Variants in GPC5 observed in about 807,000 individuals in gnomAD.
GPC5 encodes the protein glypican 5, also known as glypican-5.
In GPC5, 47 loss-of-function variants were observed where a neutral mutation model predicts 53.9. That is an observed-to-expected ratio of 0.87 (90% CI 0.69 to 1.11). The LOEUF (loss-of-function observed/expected upper bound fraction) is 1.11. Among genes scored for constraint, GPC5 ranks in the 50% most tolerant of loss-of-function variants. The pLI, the probability that GPC5 is intolerant of heterozygous loss-of-function variation, is 0.00. For synonymous variants in GPC5, 286 were observed against 263.3 expected, an observed-to-expected ratio of 1.09 and a Z score of -0.84; for missense variants, 748 against 713.1, an observed-to-expected ratio of 1.05 and a Z score of -0.56.
chr13:92,482,451 C>T (rs1594239496), intron 7 of GPC5, among the ~76,000 whole-genome samples: 1 of 152,178 alleles, frequency 6.6e-6, no homozygotes, highest in East Asian at 1.9e-4. Context: ...TACCTAACCA[C>T]TTCTTGTTGA....
chr13:92,655,800 C>T (rs1886114341), intron 7 of GPC5, among the ~76,000 whole-genome samples: 2 of 152,110 alleles, frequency 1.3e-5, no homozygotes, highest in South Asian at 2.1e-4. Context: ...AAGTAACTCT[C>T]ATAGTAGCCT....
chr13:91,637,994 A>G (rs1193003124), intron 2 of GPC5, among the ~76,000 whole-genome samples: 1 of 152,246 alleles, frequency 6.6e-6, no homozygotes, highest in African/African-American at 2.4e-5. Context: ...ATGCCTGAAT[A>G]GAGGATAGCT....
intron 6 of GPC5, among the ~76,000 whole-genome samples, chr13:91,941,859 T>C (rs113064733): frequency 0.021 from 3,221 of 152,272 alleles, 101 homozygotes; most frequent in African/African-American, 0.073. Flanking sequence ...TAAAGCAAGA[T>C]AAAGTTATAT....
chr13:91,443,253 G>A (rs976408979), intron 1 of GPC5, among the ~76,000 whole-genome samples: 1 of 152,096 alleles, frequency 6.6e-6, no homozygotes, highest in African/African-American at 2.4e-5. Context: ...GGTTACATGA[G>A]GCCACAAGGG....
chr13:91,582,155 C>T (rs1471978337), intron 2 of GPC5, among the ~76,000 whole-genome samples: 7 of 152,020 alleles, frequency 4.6e-5, no homozygotes, highest in Non-Finnish European at 8.8e-5. Context: ...TAGTACTTGC[C>T]ATGGCAGTGG....
chr13:91,637,859 T>A (rs2034322374), intron 2 of GPC5, among the ~76,000 whole-genome samples: 1 of 152,248 alleles, frequency 6.6e-6, no homozygotes. Context: ...TGGACTGAGA[T>A]GAAGACTCTA....
chr13:91,468,169 T>C (rs1006406081), intron 2 of GPC5, among the ~76,000 whole-genome samples: 4 of 152,150 alleles, frequency 2.6e-5, no homozygotes, highest in Non-Finnish European at 4.4e-5. Context: ...CCTCTGCCAA[T>C]GCAAGTTCTG....
chr13:91,854,526 CT>C (rs1319402824), intron 5 of GPC5, among the ~76,000 whole-genome samples: 3 of 151,636 alleles, frequency 2.0e-5, no homozygotes, highest in African/African-American at 7.2e-5. Context: ...AACATTCCCA[CT>C]TCCTCCCCTC....
chr13:92,186,634 A>C (rs2042185706), intron 7 of GPC5, among the ~76,000 whole-genome samples: 1 of 152,106 alleles, frequency 6.6e-6, no homozygotes, highest in Non-Finnish European at 1.5e-5. Context: ...TTCCAGAAAA[A>C]CTCAAAATTT....
At chr13:91,843,097 A>G (rs145677851) in intron 5 of GPC5, among the ~76,000 whole-genome samples, 38 of 152,334 alleles carry the variant, frequency 2.5e-4, no homozygotes, top group African/African-American at 9.1e-4. Context: ...GTAACAAGTC[A>G]CAATTTTAGA....
chr13:91,880,482 C>T (rs2039252285), intron 5 of GPC5, among the ~76,000 whole-genome samples: 1 of 151,808 alleles, frequency 6.6e-6, no homozygotes, highest in Non-Finnish European at 1.5e-5. Context: ...GTATGTTTTG[C>T]TGTACCATTT....
chr13:91,650,392 A>G (rs2034669572), intron 2 of GPC5, among the ~76,000 whole-genome samples: 1 of 150,782 alleles, frequency 6.6e-6, no homozygotes, highest in South Asian at 2.1e-4. Flanking sequence ...TAGTATGTAA[A>G]CTTGTAGTAT....
intron 2 of GPC5, among the ~76,000 whole-genome samples, chr13:91,531,629 T>C (rs1311631387): frequency 6.6e-6 from 1 of 152,238 alleles, no homozygotes; most frequent in Non-Finnish European, 1.5e-5. Context: ...ACAAACGTCT[T>C]TATACTCAGT....
intron 7 of GPC5, among the ~76,000 whole-genome samples, chr13:92,245,860 T>C (rs2042646523): frequency 6.6e-6 from 1 of 152,190 alleles, no homozygotes; most frequent in African/African-American, 2.4e-5. Context: ...CATCTTTTTG[T>C]GGAATATACT....
At chr13:92,179,090 G>T (rs1467445740) in intron 7 of GPC5, among the ~76,000 whole-genome samples, 1 of 152,134 alleles carries the variant, frequency 6.6e-6, no homozygotes, top group Admixed American at 6.6e-5. Context: ...GACTACACTT[G>T]TTCATTAGCA....
intron 6 of GPC5, among the ~76,000 whole-genome samples, chr13:91,914,500 C>T (rs1006556043): frequency 1.3e-5 from 2 of 151,970 alleles, no homozygotes; most frequent in South Asian, 2.1e-4. Context: ...GTGAGGAAAG[C>T]AATAATCATA....
At chr13:92,771,466 C>T (rs953497091) in intron 7 of GPC5, among the ~76,000 whole-genome samples, 10 of 152,092 alleles carry the variant, frequency 6.6e-5, no homozygotes, top group South Asian at 4.1e-4. Flanking sequence ...CCTCAGTCTC[C>T]GGAGTAGCTG....
intron 7 of GPC5, among the ~76,000 whole-genome samples, chr13:92,361,879 G>C (rs1594133176): frequency 6.6e-6 from 1 of 151,422 alleles, no homozygotes; most frequent in Non-Finnish European, 1.5e-5. Flanking sequence ...TACCTGACTG[G>C]ATGATAGCAT....
intron 7 of GPC5, among the ~76,000 whole-genome samples, chr13:92,596,980 C>T (rs1254283251): frequency 1.3e-5 from 2 of 152,160 alleles, no homozygotes; most frequent in Non-Finnish European, 2.9e-5. Flanking sequence ...AGCTATGATA[C>T]GGAGAGACAA....
Sources: allele counts gnomAD v4.1 joint callset (sites outside exome capture counted in the v4.1 genomes callset), GRCh38; gene constraint gnomAD v4.1.1; transcripts MANE v1.5; gene names NCBI Gene and HGNC (gene_info 2026-07-23, HGNC 2026-07-21).